Variants in PIP5K1B observed in about 807,000 individuals in gnomAD.
The protein encoded by PIP5K1B is phosphatidylinositol-4-phosphate 5-kinase type 1 beta.
In PIP5K1B, 42 loss-of-function variants were observed where a neutral mutation model predicts 67.0. The ratio of observed to expected loss-of-function variants is 0.63; its 90% CI spans 0.49 to 0.81. The LOEUF (loss-of-function observed/expected upper bound fraction) is 0.81, where lower values mean the gene tolerates loss of function less well. Among genes scored for constraint, PIP5K1B ranks in the 30% least tolerant of loss-of-function variants. The probability of loss-of-function intolerance (pLI) is 0.00; values close to 1 mark genes in which losing one functional copy is unlikely to be tolerated. For synonymous variants in PIP5K1B, 214 were observed against 231.4 expected, an observed-to-expected ratio of 0.92 and a Z score of 0.68; for missense variants, 459 against 646.3, an observed-to-expected ratio of 0.71 and a Z score of 3.14.
At chr9:68,961,211 C>T (rs1379299782) in intron 14 of PIP5K1B, among the ~76,000 whole-genome samples, 19 of 126,498 alleles carry the variant, frequency 1.5e-4, no homozygotes, top group Admixed American at 1.2e-3. Flanking sequence ...AGCGAGACTC[C>T]GTCTCAAAAA....
intron 1 of PIP5K1B, among the ~76,000 whole-genome samples, chr9:68,717,109 G>A (rs1027188996): frequency 6.6e-6 from 1 of 152,148 alleles, no homozygotes; most frequent in Non-Finnish European, 1.5e-5. Context: ...GGGAGGTAAG[G>A]GTTGAAAAAC....
At chr9:68,948,529 C>T (rs1003875330) in intron 14 of PIP5K1B, among the ~76,000 whole-genome samples, 14 of 152,070 alleles carry the variant, frequency 9.2e-5, no homozygotes, top group African/African-American at 2.9e-4. Flanking sequence ...CCTGTAGTCC[C>T]AGCTACTTGG....
At chr9:68,833,056 G>A (rs1458288988) in intron 4 of PIP5K1B, among the ~76,000 whole-genome samples, 4 of 152,306 alleles carry the variant, frequency 2.6e-5, no homozygotes, top group South Asian at 4.1e-4. Context: ...GCTTGGCATG[G>A]TGCTAGGCCT....
intron 14 of PIP5K1B, among the ~76,000 whole-genome samples, chr9:68,979,543 C>CCACCCCG: frequency 3.9e-4 from 3 of 7,684 alleles, no homozygotes; most frequent in Non-Finnish European, 1.5e-3. Context: ...TATATCCTAT[C>CCACCCCG]ACACACAGAG....
At chr9:68,975,567 T>C (rs900355545) in intron 14 of PIP5K1B, among the ~76,000 whole-genome samples, 2 of 152,210 alleles carry the variant, frequency 1.3e-5, no homozygotes, top group Admixed American at 6.5e-5. Context: ...GAGGCCAGCT[T>C]GTCCTTCAGG....
intron 5 of PIP5K1B, among the ~76,000 whole-genome samples, chr9:68,865,404 TGTAA>T (rs1334046389): frequency 6.6e-6 from 1 of 152,102 alleles, no homozygotes; most frequent in Non-Finnish European, 1.5e-5. Flanking sequence ...TCATAATGCT[TGTAA>T]GTGTGTTTGC....
chr9:68,918,110 G>C (rs1211951260), intron 9 of PIP5K1B, among the ~76,000 whole-genome samples: 1 of 134,058 alleles, frequency 7.5e-6, no homozygotes, highest in South Asian at 2.4e-4. Context: ...TTTTTTTTGA[G>C]ACAGAGTCTC....
chr9:68,808,848 T>C (rs1219580943), intron 2 of PIP5K1B, among the ~76,000 whole-genome samples: 1 of 152,222 alleles, frequency 6.6e-6, no homozygotes, highest in Non-Finnish European at 1.5e-5. Flanking sequence ...TCGTTTGGAA[T>C]TGGTTTTGGC....
intron 14 of PIP5K1B, among the ~76,000 whole-genome samples, chr9:68,960,471 C>T (rs1237244127): frequency 6.6e-6 from 1 of 151,902 alleles, no homozygotes; most frequent in Non-Finnish European, 1.5e-5. Context: ...AGGAAATTTT[C>T]TTGATGATTT....
chr9:68,745,883 A>G (rs1381644030), intron 2 of PIP5K1B, among the ~76,000 whole-genome samples: 1 of 152,206 alleles, frequency 6.6e-6, no homozygotes, highest in Admixed American at 6.5e-5. Flanking sequence ...CAAATAAATT[A>G]TACAAGCTAT....
intron 14 of PIP5K1B, among the ~76,000 whole-genome samples, chr9:68,970,730 G>A (rs1036622417): frequency 6.6e-6 from 1 of 152,180 alleles, no homozygotes; most frequent in Non-Finnish European, 1.5e-5. Context: ...TAAACATATG[G>A]ATTTGAGCAC....
intron 14 of PIP5K1B, among the ~76,000 whole-genome samples, chr9:68,975,322 G>A (rs1246208694): frequency 6.8e-6 from 1 of 146,848 alleles, no homozygotes; most frequent in Non-Finnish European, 1.5e-5. Context: ...ACCTGCCTTA[G>A]CCTCCCAAAG....
chr9:68,937,555 C>T (rs1009483535), intron 13 of PIP5K1B, among the ~76,000 whole-genome samples: 2 of 152,150 alleles, frequency 1.3e-5, no homozygotes, highest in Admixed American at 6.5e-5. Context: ...AAAAAACCAG[C>T]TCCTGGATGC....
chr9:68,899,886 G>GTT (rs1825276597), intron 8 of PIP5K1B, among the ~76,000 whole-genome samples: 1 of 152,118 alleles, frequency 6.6e-6, no homozygotes, highest in Non-Finnish European at 1.5e-5. Context: ...TACCTAATAG[G>GTT]TAAATTTTCC....
chr9:68,914,583 C>T (rs1432526413), intron 8 of PIP5K1B, among the ~76,000 whole-genome samples: 3 of 152,178 alleles, frequency 2.0e-5, no homozygotes, highest in East Asian at 1.9e-4. Flanking sequence ...GGCGTGGTGG[C>T]AGGCGCCTGT....
At chr9:68,842,445 CT>C (rs989150193) in intron 4 of PIP5K1B, among the ~76,000 whole-genome samples, 2 of 152,200 alleles carry the variant, frequency 1.3e-5, no homozygotes, top group African/African-American at 4.8e-5. Flanking sequence ...TGAGTTAAAA[CT>C]GTGGAGTATT....
chr9:68,956,777 C>A (rs774042769), intron 14 of PIP5K1B, among the ~76,000 whole-genome samples: 1 of 152,136 alleles, frequency 6.6e-6, no homozygotes, highest in Non-Finnish European at 1.5e-5. Context: ...AACTTTTCAA[C>A]GTGTATGGTG....
intron 2 of PIP5K1B, among the ~76,000 whole-genome samples, chr9:68,792,115 G>T (rs550293117): frequency 1.3e-3 from 203 of 152,330 alleles, no homozygotes; most frequent in Non-Finnish European, 2.3e-3. Flanking sequence ...CTGTGATCCT[G>T]TTGTTCCCAG....
intron 2 of PIP5K1B, among the ~76,000 whole-genome samples, chr9:68,815,589 T>A (rs144905187): frequency 6.6e-6 from 1 of 152,136 alleles, no homozygotes; most frequent in Admixed American, 6.5e-5. Context: ...TAATAAACTA[T>A]AAATTACCAA....
Sources: allele counts gnomAD v4.1 joint callset (sites outside exome capture counted in the v4.1 genomes callset), GRCh38; gene constraint gnomAD v4.1.1; transcripts MANE v1.5; gene names NCBI Gene and HGNC (gene_info 2026-07-23, HGNC 2026-07-21).